Variants in ZHX3 observed in about 807,000 individuals in gnomAD.
ZHX3 encodes zinc fingers and homeoboxes protein 3.
In ZHX3, 20 loss-of-function variants were observed where a neutral mutation model predicts 64.5. The ratio of observed to expected loss-of-function variants is 0.31; its 90% confidence interval spans 0.22 to 0.45. The LOEUF (loss-of-function observed/expected upper bound fraction) is 0.45, where lower values mean the gene tolerates loss of function less well. Among genes scored for constraint, ZHX3 ranks in the 20% least tolerant of loss-of-function variants. ZHX3 has a pLI of 1.00. For synonymous variants in ZHX3, 423 were observed against 461.6 expected (o/e 0.92, Z 1.07); for missense variants, 1,041 against 1,195.8 (o/e 0.87, Z 1.91).
chr20:41,240,590 T>C (rs1027853620), intron 2 of ZHX3, among the ~76,000 whole-genome samples: 4 of 152,220 alleles, frequency 2.6e-5, no homozygotes, highest in African/African-American at 7.2e-5. Flanking sequence ...CCTGTTGTGC[T>C]GGCAAATACT....
chr20:41,316,506 G>A (rs1189185949), intron 1 of ZHX3, among the ~76,000 whole-genome samples: 1 of 152,188 alleles, frequency 6.6e-6, no homozygotes, highest in African/African-American at 2.4e-5. Flanking sequence ...ACAAGAACGT[G>A]TATAAATGGA....
intron 1 of ZHX3, among the ~76,000 whole-genome samples, chr20:41,294,583 G>A (rs535131925): frequency 1.7e-4 from 26 of 152,170 alleles, no homozygotes; most frequent in Non-Finnish European, 3.2e-4. Flanking sequence ...GGCTAGTCTC[G>A]AACTCCTGAC....
In ZHX3 at chr20:41,224,732, A is replaced by G. The variant is rs888817591; in HGVS notation, c.-150-19666T>C. ...TTTCAGACACTCATTTATAATTCCA[A>G]CAGAGGACTTCTGAGCTATCTTCCC... On this transcript the variant is annotated intron_variant, in intron 2 of 3. Transcript: ENST00000683867. The surrounding 1 kb of genome is among the most constrained non-coding windows in gnomAD (Gnocchi z 5.2). Among the ~76,000 whole-genome samples the G allele has an allele frequency of 6.6e-6, 1 of 152,214 alleles. No homozygotes were observed. Among genetic ancestry groups the G allele is most frequent in the Non-Finnish European group, 1.5e-5 (1 of 68,030 alleles).
At chr20:41,312,136 T>A (rs1318286392) in intron 1 of ZHX3, among the ~76,000 whole-genome samples, 1 of 152,168 alleles carries the variant, frequency 6.6e-6, no homozygotes, top group African/African-American at 2.4e-5. Context: ...AGGATTGTAA[T>A]ATGCACCAAT....
At chr20:41,314,891 A>C (rs933890400) in intron 1 of ZHX3, among the ~76,000 whole-genome samples, 5 of 152,234 alleles carry the variant, frequency 3.3e-5, no homozygotes, top group African/African-American at 9.6e-5. Context: ...ACAATGGGCC[A>C]GGTGCAGTTT....
rs1600767981 is a variant in ZHX3, at chr20:41,205,051, G to A, written c.-135C>T. On this transcript the variant is annotated 5_prime_UTR_variant, in exon 3 of 4. Coordinates refer to ENST00000683867, the MANE Select transcript of ZHX3 (RefSeq NM_001384317.1). ...TTTTTCAGTTGTTTGCAGAAAGCAG[G>A]TTTTCCCTATTCAATCTAAGGAAAG... The A allele has an allele frequency of 6.7e-6, 9 of 1,343,102 alleles. No homozygotes were observed. In the East Asian group the frequency reaches 1.4e-4, roughly 21 times the overall value. The allele number at this position is 1,343,102 out of a possible 1,614,324, so 83.2% of individuals were successfully genotyped here.
At chr20:41,214,719 A>G (rs1241626186) in intron 2 of ZHX3, among the ~76,000 whole-genome samples, 2 of 152,204 alleles carry the variant, frequency 1.3e-5, no homozygotes, top group African/African-American at 4.8e-5. Flanking sequence ...CTTAAACAGC[A>G]AAGTTCTAAT....
In ZHX3 at chr20:41,203,381, G is replaced by A; in HGVS notation, c.1536C>T (p.Ser512=). 2 of 1,614,202 alleles carry A rather than the reference G, an allele frequency of 1.2e-6. No homozygotes were observed. Among genetic ancestry groups the A allele is most frequent in the South Asian group, 2.2e-5 (2 of 91,084 alleles). ...GCCCTGGGAACTGGTTCCGACAGAA[G>A]CTCCCTTTCAGAGCTGACAGCTGTT... The part of the protein sequence containing the change: ...SHEQLSALKG[S]FCRNQFPGQS... Residue 512 remains serine (S), a synonymous_variant, in exon 3 of 4, where the codon AGC becomes AGT. Coordinates refer to ENST00000683867, the MANE Select transcript of ZHX3 (RefSeq NM_001384317.1). The surrounding 1 kb of genome is among the most constrained non-coding windows in gnomAD (Gnocchi z 7.1).
chr20:41,196,583 ATATT>A (rs1458074257), intron 3 of ZHX3: 1 of 96,740 alleles, frequency 1.0e-5, no homozygotes, highest in African/African-American at 4.0e-5. Context: ...AAAAATATAT[ATATT>A]TATATATATA....
chr20:41,283,278 C>T (rs776774126), intron 1 of ZHX3, among the ~76,000 whole-genome samples: 13 of 152,100 alleles, frequency 8.5e-5, no homozygotes, highest in Non-Finnish European at 1.8e-4. Flanking sequence ...ATTTTCTATA[C>T]CCTGGAAATG....
At chr20:41,192,732 G>T (rs1171539898) in intron 3 of ZHX3, among the ~76,000 whole-genome samples, 1 of 152,192 alleles carries the variant, frequency 6.6e-6, no homozygotes, top group Non-Finnish European at 1.5e-5. Flanking sequence ...CAGTCTTTTG[G>T]GGGGTGGGCT....
At chr20:41,229,754 G>C (rs1490404685) in intron 2 of ZHX3, among the ~76,000 whole-genome samples, 4 of 151,960 alleles carry the variant, frequency 2.6e-5, no homozygotes, top group Non-Finnish European at 5.9e-5. Context: ...GTTGTCTGGG[G>C]TTTTTTGCTG....
intron 1 of ZHX3, among the ~76,000 whole-genome samples, chr20:41,276,380 A>T (rs1402525154): frequency 6.6e-6 from 1 of 151,976 alleles, no homozygotes; most frequent in Non-Finnish European, 1.5e-5. Flanking sequence ...CACTTTGGGA[A>T]ATTTGCTGCA....
chr20:41,301,369 C>T (rs1372679846), intron 1 of ZHX3, among the ~76,000 whole-genome samples: 2 of 152,174 alleles, frequency 1.3e-5, no homozygotes, highest in Non-Finnish European at 2.9e-5. Flanking sequence ...TGGCTTCTCA[C>T]TGACCTTAGA....
Position 41,184,964 on chromosome 20 carries a change from G to C in ZHX3, c.*227C>G. The C allele has an allele frequency of 6.5e-7, 1 of 1,547,764 alleles. No individual in the cohort carries two copies. On this transcript the variant is annotated 3_prime_UTR_variant, in exon 4 of 4. Coordinates refer to ENST00000683867, the MANE Select transcript of ZHX3 (RefSeq NM_001384317.1). Reference sequence around the variant, plus strand: ...GGTAAAGGAAAGGTCCTACATTGTGGGAGGAAGAACTGATGAGAACCCCAT... The same window carrying C: ...GGTAAAGGAAAGGTCCTACATTGTGCGAGGAAGAACTGATGAGAACCCCAT...
chr20:41,276,035 A>G (rs537262279), intron 1 of ZHX3, among the ~76,000 whole-genome samples: 1 of 152,320 alleles, frequency 6.6e-6, no homozygotes, highest in South Asian at 2.1e-4. Flanking sequence ...GCATAGAGGA[A>G]AATGAACTCT....
At chr20:41,214,641 G>A (rs888175922) in intron 2 of ZHX3, among the ~76,000 whole-genome samples, 1 of 152,196 alleles carries the variant, frequency 6.6e-6, no homozygotes, top group Non-Finnish European at 1.5e-5. Flanking sequence ...GCTGTTTTTA[G>A]CAACATTACC....
intron 1 of ZHX3, among the ~76,000 whole-genome samples, chr20:41,296,231 G>GA (rs2044513076): frequency 4.3e-5 from 1 of 23,278 alleles, no homozygotes; most frequent in Non-Finnish European, 8.9e-5. Context: ...AGTTCATAAA[G>GA]TAAAAAAAAA....
intron 2 of ZHX3, among the ~76,000 whole-genome samples, chr20:41,266,770 C>G (rs906715376): frequency 2.0e-5 from 3 of 150,596 alleles, no homozygotes; most frequent in Non-Finnish European, 4.4e-5. Context: ...TGGTCTCGAT[C>G]TCCTGACGTC....
Sources: allele counts gnomAD v4.1 joint callset (sites outside exome capture counted in the v4.1 genomes callset), GRCh38; gene constraint gnomAD v4.1.1; non-coding constraint Gnocchi (gnomAD v3.1); transcripts MANE v1.5; gene names NCBI Gene and HGNC (gene_info 2026-07-23, HGNC 2026-07-21).